The following CDKAL1 variants were observed in gnomAD, a reference collection of about 807,000 sequenced individuals.
The protein encoded by CDKAL1 is CDKAL1 threonylcarbamoyladenosine tRNA methylthiotransferase.
Under a neutral mutation model 68.2 loss-of-function variants are expected in CDKAL1, and 32 were observed. The observed-to-expected ratio is 0.47, with a 90% CI of 0.35 to 0.63. The LOEUF (loss-of-function observed/expected upper bound fraction) is 0.63. Ranked by LOEUF, CDKAL1 falls within the 30% of genes least tolerant of loss-of-function variation. The pLI is 0.00. For synonymous variants in CDKAL1, 234 were observed against 244.3 expected, an observed-to-expected ratio of 0.96 and a Z score of 0.39; for missense variants, 606 against 696.7, an observed-to-expected ratio of 0.87 and a Z score of 1.47.
chr6:20,779,528 C>T (rs1775321089), intron 7 of CDKAL1, among the ~76,000 whole-genome samples: 1 of 152,208 alleles, frequency 6.6e-6, no homozygotes, highest in Admixed American at 6.5e-5. Context: ...TCAGTTGTTT[C>T]ATTCAGTTTT....
chr6:20,832,707 A>G (rs1180873961), intron 8 of CDKAL1, among the ~76,000 whole-genome samples: 5 of 152,158 alleles, frequency 3.3e-5, no homozygotes, highest in Non-Finnish European at 7.4e-5. Context: ...ATTTTGGCAA[A>G]CACCATTTAC....
At chr6:20,575,935 A>G (rs973779975) in intron 4 of CDKAL1, among the ~76,000 whole-genome samples, 4 of 152,170 alleles carry the variant, frequency 2.6e-5, no homozygotes, top group Non-Finnish European at 4.4e-5. Context: ...TCAAATGCTA[A>G]GAGGAGGAGG....
In CDKAL1 at chr6:20,586,596, CCACTG is replaced by C. The variant is rs1435453729; in HGVS notation, c.286+37896_286+37900del. On this transcript the variant is annotated intron_variant, in intron 4 of 15. Transcript: ENST00000274695. ...GAGGTTGCAGTGAGCCGAGATCACG[CCACTG>C]CACTCCGGCCTGGGTGACGAGTGAA... Among the ~76,000 whole-genome samples, 12 of 152,256 alleles carry C rather than the reference CCACTG, an allele frequency of 7.9e-5. No individual in the cohort carries two copies. The East Asian group carries it at 2.3e-3, about 29-fold the overall frequency.
intron 10 of CDKAL1, among the ~76,000 whole-genome samples, chr6:20,982,558 AT>A (rs1236096748): frequency 1.3e-5 from 2 of 152,206 alleles, no homozygotes; most frequent in African/African-American, 4.8e-5. Context: ...CTTAAAAAAA[AT>A]CAACTATAAA....
At chr6:20,820,195 G>A (rs1327646397) in intron 8 of CDKAL1, among the ~76,000 whole-genome samples, 2 of 152,154 alleles carry the variant, frequency 1.3e-5, no homozygotes, top group Non-Finnish European at 2.9e-5. Flanking sequence ...CACACAAGTT[G>A]CTAGCGGAAG....
intron 7 of CDKAL1, among the ~76,000 whole-genome samples, chr6:20,765,701 A>C (rs1774670942): frequency 6.6e-6 from 1 of 152,174 alleles, no homozygotes; most frequent in Non-Finnish European, 1.5e-5. Flanking sequence ...CCAAACAAAA[A>C]CATTGTATGA....
At chr6:21,102,416 T>G (rs1402279042) in intron 12 of CDKAL1, among the ~76,000 whole-genome samples, 2 of 152,206 alleles carry the variant, frequency 1.3e-5, no homozygotes, top group African/African-American at 4.8e-5. Flanking sequence ...ACATCCTTGG[T>G]AGTTAACACC....
intron 8 of CDKAL1, among the ~76,000 whole-genome samples, chr6:20,802,190 C>T (rs1188639761): frequency 4.0e-5 from 6 of 151,708 alleles, no homozygotes; most frequent in South Asian, 2.1e-4. Context: ...CCCAGCTACT[C>T]GGGAGGCTGA....
At chr6:21,181,243 A>G (rs1168833883) in intron 13 of CDKAL1, among the ~76,000 whole-genome samples, 1 of 152,262 alleles carries the variant, frequency 6.6e-6, no homozygotes, top group Non-Finnish European at 1.5e-5. Context: ...TCTACATCTC[A>G]ACACTCTTAC....
intron 11 of CDKAL1, among the ~76,000 whole-genome samples, chr6:21,011,455 T>C (rs777950989): frequency 1.5e-4 from 23 of 152,232 alleles, no homozygotes; most frequent in Non-Finnish European, 2.8e-4. Context: ...TGAATTAACA[T>C]TAATTTCAAA....
At chr6:21,038,824 A>G (rs1296875984) in intron 11 of CDKAL1, among the ~76,000 whole-genome samples, 2 of 152,188 alleles carry the variant, frequency 1.3e-5, no homozygotes, top group African/African-American at 4.8e-5. Context: ...TGACCAGTGT[A>G]TAAGGCTTTT....
intron 9 of CDKAL1, among the ~76,000 whole-genome samples, chr6:20,929,621 G>T (rs1340723687): frequency 6.6e-6 from 1 of 152,104 alleles, no homozygotes; most frequent in East Asian, 1.9e-4. Flanking sequence ...AATAGATTTT[G>T]TTGTTGTTGC....
intron 9 of CDKAL1, among the ~76,000 whole-genome samples, chr6:20,938,666 T>A (rs1763835563): frequency 6.6e-6 from 1 of 152,180 alleles, no homozygotes; most frequent in South Asian, 2.1e-4. Flanking sequence ...TTTCTTCCCA[T>A]TTTTGTGGCT....
At chr6:20,953,241 A>G (rs1489316796) in intron 9 of CDKAL1, among the ~76,000 whole-genome samples, 2 of 152,284 alleles carry the variant, frequency 1.3e-5, no homozygotes, top group East Asian at 1.9e-4. Flanking sequence ...GTCCCCACCT[A>G]TGCAGCTTGA....
intron 9 of CDKAL1, among the ~76,000 whole-genome samples, chr6:20,925,109 C>T (rs1581841538): frequency 1.3e-5 from 2 of 152,180 alleles, no homozygotes; most frequent in South Asian, 2.1e-4. Context: ...GCATCCCAAC[C>T]TTCACCAACC....
chr6:20,878,630 A>G (rs1347565670), intron 9 of CDKAL1, among the ~76,000 whole-genome samples: 1 of 151,970 alleles, frequency 6.6e-6, no homozygotes, highest in Non-Finnish European at 1.5e-5. Context: ...AATCCCAGCT[A>G]TTCAGGAGGC....
intron 6 of CDKAL1, among the ~76,000 whole-genome samples, chr6:20,741,669 A>G (rs1049416260): frequency 1.3e-5 from 2 of 152,198 alleles, no homozygotes; most frequent in African/African-American, 4.8e-5. Flanking sequence ...TTATGGCTGC[A>G]TAGTATTCCA....
chr6:20,684,043 A>G (rs1440963678), intron 5 of CDKAL1, among the ~76,000 whole-genome samples: 3 of 152,134 alleles, frequency 2.0e-5, no homozygotes, highest in African/African-American at 7.2e-5. Context: ...TTGATGGCCC[A>G]TTTTTTAGTG....
intron 5 of CDKAL1, among the ~76,000 whole-genome samples, chr6:20,682,048 G>T (rs1407245580): frequency 1.3e-5 from 2 of 152,262 alleles, no homozygotes; most frequent in Non-Finnish European, 2.9e-5. Flanking sequence ...CATTTATAAG[G>T]GCACTATCTC....
Sources: gnomAD v4.1 joint callset for allele counts (sites outside exome capture counted in the v4.1 genomes callset) on GRCh38, gnomAD v4.1.1 for gene constraint, MANE v1.5 for transcripts, NCBI Gene and HGNC (gene_info 2026-07-23, HGNC 2026-07-21) for gene names.